Variants in CADM2 observed in about 807,000 individuals in gnomAD.
CADM2 encodes immunoglobulin superfamily member 4D.
Under a neutral mutation model 49.8 loss-of-function variants are expected in CADM2, and 12 were observed. That is an observed-to-expected ratio of 0.24 (90% CI 0.15 to 0.39). The LOEUF (loss-of-function observed/expected upper bound fraction) is 0.39, where lower values mean the gene tolerates loss of function less well. Ranked by LOEUF, CADM2 falls within the 10% of genes least tolerant of loss-of-function variation. CADM2 has a pLI of 1.00. For synonymous variants in CADM2, 214 were observed against 175.4 expected (o/e 1.22, Z -1.74); for missense variants, 378 against 492.3 (o/e 0.77, Z 2.20).
At chr3:85,674,472 A>G (rs935101977) in intron 1 of CADM2, among the ~76,000 whole-genome samples, 1 of 152,196 alleles carries the variant, frequency 6.6e-6, no homozygotes, top group African/African-American at 2.4e-5. Context: ...AGAAGTCACC[A>G]GGAATATAAA....
At chr3:85,978,003 T>G (rs1447011984) in intron 8 of CADM2, among the ~76,000 whole-genome samples, 1 of 151,626 alleles carries the variant, frequency 6.6e-6, no homozygotes, top group African/African-American at 2.4e-5. Context: ...ACTGAGAGAA[T>G]GACAGGAAAC....
In CADM2 at chr3:85,291,814, G is replaced by T. The variant is rs181902754; in HGVS notation, c.61+332146G>T. On this transcript the variant is annotated intron_variant, in intron 1 of 9. Coordinates refer to ENST00000383699, the MANE Select transcript of CADM2 (RefSeq NM_001167675.2). ...TGCTAAATATGGAAAGGAAAAACTG[G>T]TACCAGCCGCTGCAAAATCATGCCA... is the stretch of plus-strand genomic sequence containing the variant. Among the ~76,000 whole-genome samples the T allele has an allele frequency of 3.6e-4, 53 of 147,668 alleles. 6 individuals are homozygous for T. The highest frequency in any genetic ancestry group is 3.4e-3 in the Middle Eastern group (1 of 294).
At chr3:85,863,099 T>C (rs913032054) in intron 3 of CADM2, among the ~76,000 whole-genome samples, 1 of 152,114 alleles carries the variant, frequency 6.6e-6, no homozygotes, top group Non-Finnish European at 1.5e-5. Flanking sequence ...TCTGGAGACA[T>C]AAATATAGGC....
intron 1 of CADM2, among the ~76,000 whole-genome samples, chr3:85,112,153 C>T (rs2038482048): frequency 6.6e-6 from 1 of 151,798 alleles, no homozygotes; most frequent in Admixed American, 6.6e-5. Flanking sequence ...ACTCTTGCAG[C>T]ATAGAGTGAT....
At chr3:85,051,850 G>T (rs1261166106) in intron 1 of CADM2, among the ~76,000 whole-genome samples, 1 of 152,076 alleles carries the variant, frequency 6.6e-6, no homozygotes, top group East Asian at 1.9e-4. Context: ...GTAAAGCTAA[G>T]AAATTATTTC....
At chr3:85,456,136 T>C (rs771603525) in intron 1 of CADM2, among the ~76,000 whole-genome samples, 1 of 152,182 alleles carries the variant, frequency 6.6e-6, no homozygotes, top group Non-Finnish European at 1.5e-5. Flanking sequence ...TCTGCAGATA[T>C]TGGCTGACTT....
At position 86,073,120 on chromosome 3, in the gene CADM2, C is replaced by G. The variant is rs1559842403; in HGVS notation, c.*6337C>G. 6.6e-6 allele frequency: 1 copy of G among 151,998 alleles called. No homozygotes were observed. Among genetic ancestry groups the G allele is most frequent in the African/African-American group, 2.4e-5 (1 of 41,428 alleles). 9.4% of individuals were successfully genotyped at this position (151,998 alleles called of 1,614,324 possible). ...AAAAAATATTCCCTCAAGAAAGCTC[C>G]ATTTTTATCATAAACATTTCAACAT... On this transcript the variant is annotated 3_prime_UTR_variant, in exon 10 of 10. Coordinates refer to ENST00000383699, the MANE Select transcript of CADM2 (RefSeq NM_001167675.2).
intron 1 of CADM2, among the ~76,000 whole-genome samples, chr3:85,244,229 T>C (rs1301632894): frequency 1.3e-5 from 2 of 152,052 alleles, no homozygotes; most frequent in African/African-American, 4.8e-5. Context: ...TCATAACAAA[T>C]AGTATGGCAA....
At chr3:85,699,200 C>G (rs1051682360) in intron 1 of CADM2, among the ~76,000 whole-genome samples, 1 of 152,188 alleles carries the variant, frequency 6.6e-6, no homozygotes, top group Non-Finnish European at 1.5e-5. Context: ...AGCTCTGCCC[C>G]TGTGACTTTG....
At chr3:85,756,172 T>TA (rs397826111) in intron 2 of CADM2, among the ~76,000 whole-genome samples, 47 of 152,056 alleles carry the variant, frequency 3.1e-4, no homozygotes, top group Non-Finnish European at 5.2e-4. Flanking sequence ...TTTTTTTTTT[T>TA]AATTACACCA....
intron 1 of CADM2, among the ~76,000 whole-genome samples, chr3:85,517,097 T>C (rs955182808): frequency 6.6e-6 from 1 of 151,938 alleles, no homozygotes; most frequent in Non-Finnish European, 1.5e-5. Flanking sequence ...AATAATCTTA[T>C]AATCTATAGA....
At chr3:86,037,409 A>C (rs1735299293) in intron 8 of CADM2, among the ~76,000 whole-genome samples, 1 of 152,198 alleles carries the variant, frequency 6.6e-6, no homozygotes, top group South Asian at 2.1e-4. Context: ...GCCGTTTAAC[A>C]CTTCAGAGAT....
chr3:86,008,170 A>G (rs1457708520), intron 8 of CADM2, among the ~76,000 whole-genome samples: 1 of 152,256 alleles, frequency 6.6e-6, no homozygotes, highest in South Asian at 2.1e-4. Flanking sequence ...ATAGTATTGC[A>G]AAATGTAAAA....
At chr3:85,160,900 G>A (rs1052994245) in intron 1 of CADM2, among the ~76,000 whole-genome samples, 8 of 152,122 alleles carry the variant, frequency 5.3e-5, no homozygotes, top group African/African-American at 1.9e-4. Context: ...TGAATCATTT[G>A]TACCAAGTCT....
At chr3:85,182,615 A>G in intron 1 of CADM2, among the ~76,000 whole-genome samples, 1 of 152,106 alleles carries the variant, frequency 6.6e-6, no homozygotes, top group East Asian at 1.9e-4. Flanking sequence ...AGGAATATAA[A>G]ATTTAATTTT....
At chr3:85,044,001 C>G (rs893130055) in intron 1 of CADM2, among the ~76,000 whole-genome samples, 1 of 152,230 alleles carries the variant, frequency 6.6e-6, no homozygotes, top group South Asian at 2.1e-4. Context: ...CTTGTGTTCA[C>G]TCACAATGTG....
chr3:85,764,663 C>A (rs2069565461), intron 2 of CADM2, among the ~76,000 whole-genome samples: 1 of 151,976 alleles, frequency 6.6e-6, no homozygotes, highest in Non-Finnish European at 1.5e-5. Flanking sequence ...AGAGATGCAT[C>A]AGCATATCAA....
chr3:85,763,582 A>G (rs887758579), intron 2 of CADM2, among the ~76,000 whole-genome samples: 6 of 152,136 alleles, frequency 3.9e-5, no homozygotes, highest in Non-Finnish European at 8.8e-5. Flanking sequence ...TTCTTACAGC[A>G]TTTAAGTGGG....
At chr3:85,048,657 A>G (rs1381860383) in intron 1 of CADM2, among the ~76,000 whole-genome samples, 2 of 152,192 alleles carry the variant, frequency 1.3e-5, no homozygotes, top group African/African-American at 4.8e-5. Context: ...TGTAATTGAG[A>G]GAACGTGGCG....
Sources: allele counts gnomAD v4.1 joint callset (sites outside exome capture counted in the v4.1 genomes callset), GRCh38; gene constraint gnomAD v4.1.1; transcripts MANE v1.5; gene names NCBI Gene and HGNC (gene_info 2026-07-23, HGNC 2026-07-21).